LIMS1: variants seen among roughly 807,000 people sequenced by gnomAD.
LIMS1 encodes the protein LIM zinc finger domain containing 1.
Under a neutral mutation model 44.1 loss-of-function variants are expected in LIMS1, and 18 were observed. That is an observed-to-expected ratio of 0.41 (90% CI 0.28 to 0.61). LIMS1 has a LOEUF of 0.61. Among genes scored for constraint, LIMS1 ranks in the 20% least tolerant of loss-of-function variants. The pLI, the probability that LIMS1 is intolerant of heterozygous loss-of-function variation, is 0.32. For synonymous variants in LIMS1, 93 were observed against 149.1 expected, an observed-to-expected ratio of 0.62 and a Z score of 2.74; for missense variants, 201 against 422.0, an observed-to-expected ratio of 0.48 and a Z score of 4.59.
intron 1 of LIMS1, among the ~76,000 whole-genome samples, chr2:108,560,807 G>T (rs1458671345): frequency 6.6e-6 from 1 of 152,076 alleles, no homozygotes; most frequent in Non-Finnish European, 1.5e-5. Flanking sequence ...CTGGAAGAGT[G>T]CCTGTTAGTG....
At chr2:108,650,514 T>A (rs1573554705) in intron 1 of LIMS1, among the ~76,000 whole-genome samples, 1 of 151,944 alleles carries the variant, frequency 6.6e-6, no homozygotes, top group South Asian at 2.1e-4. Flanking sequence ...GCCTCCTAGG[T>A]TCAGGCGATT....
At chr2:108,685,596 A>G (rs765994193) in exon 10 of LIMS1, 15 of 152,034 alleles carry the variant, frequency 9.9e-5, no homozygotes, top group Non-Finnish European at 2.2e-4. Flanking sequence ...CCTACAACCA[A>G]TTTTTTTTAG....
intron 1 of LIMS1, among the ~76,000 whole-genome samples, chr2:108,645,584 A>G (rs1172048381): frequency 6.6e-6 from 1 of 152,216 alleles, no homozygotes; most frequent in Non-Finnish European, 1.5e-5. Context: ...AACTGCATCA[A>G]CTAACGGGCC....
intron 1 of LIMS1, among the ~76,000 whole-genome samples, chr2:108,579,901 A>G (rs1287959685): frequency 1.3e-5 from 2 of 152,230 alleles, no homozygotes; most frequent in Non-Finnish European, 2.9e-5. Flanking sequence ...TTAGGGAGGA[A>G]GGCAAGAGGC....
intron 1 of LIMS1, among the ~76,000 whole-genome samples, chr2:108,650,201 CATT>C (rs1387571614): frequency 1.3e-5 from 2 of 152,158 alleles, no homozygotes; most frequent in African/African-American, 4.8e-5. Context: ...CTTAGAGTGA[CATT>C]ATTAATTCCT....
chr2:108,611,921 AATAT>A (rs554062151), intron 1 of LIMS1, among the ~76,000 whole-genome samples: 1 of 82,218 alleles, frequency 1.2e-5, no homozygotes, highest in African/African-American at 3.7e-5. Context: ...ACACATATAA[AATAT>A]ATATATACAT....
At chr2:108,533,860 A>C (rs780683144), upstream of LIMS1, 1 of 152,540 alleles carries the variant, frequency 6.6e-6, no homozygotes, top group Non-Finnish European at 1.5e-5. Flanking sequence ...CTCCATGCGG[A>C]GCTCAGGCAC....
intron 9 of LIMS1, chr2:108,681,022 A>C (rs1167851006): frequency 1.8e-5 from 23 of 1,277,962 alleles, no homozygotes; most frequent in Non-Finnish European, 2.1e-5. Flanking sequence ...TGTTATGAGA[A>C]AATGCCAGAA....
At chr2:108,546,550 C>A (rs147941385) in intron 1 of LIMS1, among the ~76,000 whole-genome samples, 1 of 152,120 alleles carries the variant, frequency 6.6e-6, no homozygotes, top group Non-Finnish European at 1.5e-5. Flanking sequence ...TGATAACTTC[C>A]CACTCATATT....
intron 2 of LIMS1, among the ~76,000 whole-genome samples, chr2:108,669,848 C>G (rs1421097723): frequency 6.6e-6 from 1 of 151,956 alleles, no homozygotes; most frequent in Non-Finnish European, 1.5e-5. Flanking sequence ...AAAGGGCAGC[C>G]CTACTCATTT....
intron 1 of LIMS1, among the ~76,000 whole-genome samples, chr2:108,653,244 A>G (rs1690624187): frequency 6.7e-6 from 1 of 149,414 alleles, no homozygotes; most frequent in African/African-American, 2.5e-5. Context: ...TAGGCTCTGG[A>G]CTCAGAGTGC....
intron 1 of LIMS1, among the ~76,000 whole-genome samples, chr2:108,535,209 G>A (rs1161013314): frequency 6.6e-6 from 1 of 152,184 alleles, no homozygotes; most frequent in East Asian, 1.9e-4. Context: ...AGTCTGTTGC[G>A]GTATGTTTTT....
At position 108,546,310 on chromosome 2, in the gene LIMS1, T is replaced by C. The variant is rs572141705; in HGVS notation, c.32+11716T>C. On this transcript the variant is annotated intron_variant, in intron 1 of 9. Transcript: ENST00000544547. ...TTTTTTTTAGGAGACAGAGTCTTACTCTGTCCTCGAGGCTGGAGTGTGTGC... is the reference window on the plus strand; with the variant it reads ...TTTTTTTTAGGAGACAGAGTCTTACCCTGTCCTCGAGGCTGGAGTGTGTGC... 1.1e-4 allele frequency among the ~76,000 whole-genome samples: 15 copies of C among 139,904 alleles called. No homozygotes were observed. In the Admixed American group the frequency reaches 1.1e-3, roughly 10 times the overall value. 91.8% of individuals were successfully genotyped at this position (139,904 alleles called of 152,430 possible). A position where few individuals can be genotyped will look rare whatever the true frequency, so the allele number is the denominator to read the frequency against.
chr2:108,543,519 C>T (rs1684383244), intron 1 of LIMS1, among the ~76,000 whole-genome samples: 1 of 152,104 alleles, frequency 6.6e-6, no homozygotes, highest in African/African-American at 2.4e-5. Context: ...TAACAGGACC[C>T]TTTTAGGATT....
At chr2:108,579,803 G>A (rs1276587206) in intron 1 of LIMS1, among the ~76,000 whole-genome samples, 1 of 152,208 alleles carries the variant, frequency 6.6e-6, no homozygotes, top group Non-Finnish European at 1.5e-5. Flanking sequence ...AAATTCCTGT[G>A]GAGCAAGAGG....
chr2:108,613,778 C>T (rs925214001), intron 1 of LIMS1, among the ~76,000 whole-genome samples: 12 of 152,064 alleles, frequency 7.9e-5, no homozygotes, highest in African/African-American at 2.9e-4. Context: ...TCTCATTTCA[C>T]CTCCTAGCCC....
chr2:108,670,090 A>G (rs1692063341), intron 2 of LIMS1, among the ~76,000 whole-genome samples: 3 of 152,198 alleles, frequency 2.0e-5, no homozygotes, highest in Admixed American at 2.0e-4. Context: ...AAAATATACT[A>G]GGATAAAATT....
chr2:108,548,088 G>T (rs565874095), intron 1 of LIMS1, among the ~76,000 whole-genome samples: 2 of 152,254 alleles, frequency 1.3e-5, no homozygotes, highest in African/African-American at 4.8e-5. Flanking sequence ...AGCTGTGTTC[G>T]CACTTAGCCC....
chr2:108,581,248 A>T (rs368540004), intron 1 of LIMS1, among the ~76,000 whole-genome samples: 8 of 152,196 alleles, frequency 5.3e-5, no homozygotes, highest in African/African-American at 1.9e-4. Flanking sequence ...CATTTTGATA[A>T]ATGTTTATGT....
Sources: allele counts gnomAD v4.1 joint callset (sites outside exome capture counted in the v4.1 genomes callset), GRCh38; gene constraint gnomAD v4.1.1; transcripts MANE v1.5; gene names NCBI Gene and HGNC (gene_info 2026-07-23, HGNC 2026-07-21).